The following CDH7 variants were observed in gnomAD, a reference collection of about 807,000 sequenced individuals.
CDH7 encodes cadherin 7.
A neutral mutation model predicts 71.8 loss-of-function variants in CDH7; 25 were observed. The observed-to-expected ratio is 0.35, with a 90% CI of 0.25 to 0.49. CDH7 has a LOEUF of 0.49. Among genes scored for constraint, CDH7 ranks in the 20% least tolerant of loss-of-function variants. The pLI is 0.99. For missense variants in CDH7, 862 were observed against 974.6 expected (o/e 0.88, Z 1.54); for synonymous variants, 381 against 363.8 (o/e 1.05, Z -0.54).
At chr18:65,775,636 G>A (rs1909910889) in intron 2 of CDH7, among the ~76,000 whole-genome samples, 1 of 152,108 alleles carries the variant, frequency 6.6e-6, no homozygotes, top group Admixed American at 6.6e-5. Flanking sequence ...ATAAAATACA[G>A]TAACACTAAT....
In CDH7 at chr18:65,864,799, G is replaced by C. The variant is rs368417613; in HGVS notation, c.1864+1882G>C. 3.0e-3 allele frequency among the ~76,000 whole-genome samples: 455 copies of C among 150,958 alleles called. 6 individuals are homozygous for C. The highest frequency in any genetic ancestry group is 5.4e-3 in the African/African-American group (220 of 41,004). On this transcript the variant is annotated intron_variant, in intron 11 of 11. Transcript: ENST00000397968. ...CCAGCTACTTGGGAGGCTGAGGCAG[G>C]AGAATGGCGTGAACCCAGGAGGCGG...
chr18:65,766,922 A>AAAAAAAAAAATT (rs199518714), intron 2 of CDH7, among the ~76,000 whole-genome samples: 4 of 136,894 alleles, frequency 2.9e-5, no homozygotes, highest in African/African-American at 1.1e-4. Flanking sequence ...AAAAAAAAAA[A>AAAAAAAAAAATT]GTCTACAAAA....
At chr18:65,807,795 G>C (rs1450709716) in intron 2 of CDH7, among the ~76,000 whole-genome samples, 1 of 152,180 alleles carries the variant, frequency 6.6e-6, no homozygotes, top group East Asian at 1.9e-4. Flanking sequence ...CTTCTCATAA[G>C]TCATAAAATG....
intron 2 of CDH7, among the ~76,000 whole-genome samples, chr18:65,766,165 T>G (rs1362965724): frequency 6.6e-6 from 1 of 152,134 alleles, no homozygotes; most frequent in Non-Finnish European, 1.5e-5. Flanking sequence ...TAGAAATTAT[T>G]TATATACAAT....
At chr18:65,796,557 A>G (rs1910923644) in intron 2 of CDH7, among the ~76,000 whole-genome samples, 1 of 152,160 alleles carries the variant, frequency 6.6e-6, no homozygotes, top group South Asian at 2.1e-4. Context: ...ATTTATTTAG[A>G]CGAGATGTAC....
At chr18:65,843,218 T>C (rs72944047) in intron 6 of CDH7, among the ~76,000 whole-genome samples, 28,226 of 152,060 alleles carry the variant, frequency 0.19, 2,965 homozygotes, top group Non-Finnish European at 0.24. Flanking sequence ...CCTCCTAAAA[T>C]AGAGATCTAG....
At chr18:65,857,317 TATA>T (rs4047847) in intron 7 of CDH7, among the ~76,000 whole-genome samples, 32,019 of 131,414 alleles carry the variant, frequency 0.24, 3,938 homozygotes, top group East Asian at 0.35. Flanking sequence ...ACCCTGCATC[TATA>T]ATAATAATAA....
chr18:65,810,415 C>T (rs1911491080), intron 3 of CDH7, among the ~76,000 whole-genome samples: 1 of 152,106 alleles, frequency 6.6e-6, no homozygotes, highest in South Asian at 2.1e-4. Context: ...CTAAACATCT[C>T]TCTATGGCCA....
chr18:65,765,374 G>C (rs1353934992), intron 2 of CDH7, among the ~76,000 whole-genome samples: 6 of 151,662 alleles, frequency 4.0e-5, no homozygotes, highest in African/African-American at 1.2e-4. Context: ...ATAATTTGGT[G>C]GTCTGAATAA....
At chr18:65,786,182 A>G (rs1910506475) in intron 2 of CDH7, among the ~76,000 whole-genome samples, 3 of 152,092 alleles carry the variant, frequency 2.0e-5, no homozygotes, top group Admixed American at 2.0e-4. Flanking sequence ...GTACCTGATT[A>G]TATCAGGGAG....
At chr18:65,796,071 G>T (rs1910901960) in intron 2 of CDH7, among the ~76,000 whole-genome samples, 2 of 152,158 alleles carry the variant, frequency 1.3e-5, no homozygotes, top group African/African-American at 4.8e-5. Context: ...CCAGTCTCGG[G>T]TATTTCTTCA....
At chr18:65,829,895 T>C (rs924694913) in intron 6 of CDH7, among the ~76,000 whole-genome samples, 1 of 151,566 alleles carries the variant, frequency 6.6e-6, no homozygotes, top group Non-Finnish European at 1.5e-5. Context: ...TTTCATAGAC[T>C]TAGCTGTGGC....
intron 7 of CDH7, among the ~76,000 whole-genome samples, chr18:65,852,773 G>T (rs1184605760): frequency 6.6e-6 from 1 of 152,130 alleles, no homozygotes; most frequent in Non-Finnish European, 1.5e-5. Context: ...AGAAGTAAGA[G>T]AAATATAATT....
chr18:65,785,676 T>G (rs999266610), intron 2 of CDH7, among the ~76,000 whole-genome samples: 1 of 152,106 alleles, frequency 6.6e-6, no homozygotes. Flanking sequence ...ATATAATATT[T>G]TCCTAATGAC....
At chr18:65,788,959 A>G (rs574207064) in intron 2 of CDH7, among the ~76,000 whole-genome samples, 30 of 152,312 alleles carry the variant, frequency 2.0e-4, no homozygotes, top group Non-Finnish European at 3.7e-4. Flanking sequence ...TCCTATACAA[A>G]GTTATATTAT....
At chr18:65,860,214 A>G (rs1913514301) in intron 10 of CDH7, among the ~76,000 whole-genome samples, 2 of 152,184 alleles carry the variant, frequency 1.3e-5, no homozygotes, top group African/African-American at 4.8e-5. Context: ...ACACATTTTA[A>G]TCTAAATCAA....
chr18:65,825,515 G>A (rs1912096008), intron 6 of CDH7, among the ~76,000 whole-genome samples: 1 of 151,706 alleles, frequency 6.6e-6, no homozygotes, highest in African/African-American at 2.4e-5. Context: ...ACTTTTTACA[G>A]ATATTTAATC....
chr18:65,866,325 A>C (rs1568229025), intron 11 of CDH7: 29 of 129,980 alleles, frequency 2.2e-4, no homozygotes, highest in Non-Finnish European at 3.7e-4. Flanking sequence ...CAAAAAAAAA[A>C]AAAAACAAAA....
chr18:65,804,758 T>C (rs1477891913), intron 2 of CDH7, among the ~76,000 whole-genome samples: 1 of 149,400 alleles, frequency 6.7e-6, no homozygotes, highest in African/African-American at 2.5e-5. Context: ...GAGAGAGAAC[T>C]ACTGTATAAA....
Sources: gnomAD v4.1 joint callset for allele counts (sites outside exome capture counted in the v4.1 genomes callset) on GRCh38, gnomAD v4.1.1 for gene constraint, MANE v1.5 for transcripts, NCBI Gene and HGNC (gene_info 2026-07-23, HGNC 2026-07-21) for gene names.